The following PGBD5 variants were observed in gnomAD, a reference collection of about 807,000 sequenced individuals.
PGBD5 encodes the protein piggyBac transposable element derived 5, also known as piggyBac transposable element-derived protein 5.
A neutral mutation model predicts 47.9 loss-of-function variants in PGBD5; 14 were observed. The observed-to-expected ratio is 0.29, with a 90% confidence interval of 0.19 to 0.46. The LOEUF is 0.46. PGBD5 is among the 20% of genes least tolerant of loss of function. The probability of loss-of-function intolerance (pLI) is 1.00; values close to 1 mark genes in which losing one functional copy is unlikely to be tolerated. For missense variants in PGBD5, 635 were observed against 716.0 expected (o/e 0.89, Z 1.29); for synonymous variants, 316 against 306.3 (o/e 1.03, Z -0.33).
intron 1 of PGBD5, among the ~76,000 whole-genome samples, chr1:230,404,977 G>GTTT (rs201730767): frequency 7.7e-6 from 1 of 129,972 alleles, no homozygotes; most frequent in African/African-American, 2.8e-5. Context: ...CAGCTATCAA[G>GTTT]TTTTTTTTTT....
At chr1:230,335,808 GAC>G (rs141038472) in intron 4 of PGBD5, among the ~76,000 whole-genome samples, 441 of 6,660 alleles carry the variant, frequency 0.066, 104 homozygotes, top group East Asian at 0.15. Flanking sequence ...AAGACACACA[GAC>G]ACATACACTG....
chr1:230,404,938 A>T (rs1017760695), intron 1 of PGBD5, among the ~76,000 whole-genome samples: 6 of 150,596 alleles, frequency 4.0e-5, no homozygotes, highest in African/African-American at 1.5e-4. Flanking sequence ...AAAAAAAAAA[A>T]AAAAGGCTTC....
Position 230,411,348 on chromosome 1 carries a change from G to A in PGBD5, c.331+14250C>T, listed in dbSNP as rs575173017. Among the ~76,000 whole-genome samples the A allele has an allele frequency of 1.4e-3, 210 of 152,276 alleles. 1 individual carries two copies. The highest frequency in any genetic ancestry group is 2.4e-3 in the Non-Finnish European group (164 of 68,030). On this transcript the variant is annotated intron_variant, in intron 1 of 6. Transcript: ENST00000391860. The stretch of plus-strand genomic sequence containing the variant: ...AAAACAGACAAGATTATGATTGAGA[G>A]CAGGTATAAAAAAGCAAACGCAGTA...
At position 230,357,553 on chromosome 1, in the gene PGBD5, T is replaced by C. The variant is rs536229421; in HGVS notation, c.332-232A>G. Reference sequence around the variant, plus strand: ...CAAAACAGCCAGCTCTCCTGCTGTGTGTGTGGGAGCGCAGCTCCTCCCAGA... The same window carrying C: ...CAAAACAGCCAGCTCTCCTGCTGTGCGTGTGGGAGCGCAGCTCCTCCCAGA... On this transcript the variant is annotated intron_variant, in intron 1 of 6. Transcript: ENST00000391860. The surrounding 1 kb of genome is among the most constrained non-coding windows in gnomAD (Gnocchi z 5.7). 3.2e-4 allele frequency among the ~76,000 whole-genome samples: 48 copies of C among 152,336 alleles called. No homozygotes were observed. Among genetic ancestry groups the C allele is most frequent in the African/African-American group, 1.2e-3 (48 of 41,576 alleles).
chr1:230,337,192 G>A lies in PGBD5; in HGVS notation c.991C>T (p.Arg331Trp), dbSNP rs762626765. The change falls in exon 4 of 7, where the codon CGG (arginine) becomes TGG (tryptophan). Residue 331 changes from arginine (R) to tryptophan (W), a missense_variant. Physicochemically the swap from Arg to Trp is moderately radical, Grantham distance 101 (BLOSUM62 -3). Coordinates refer to ENST00000391860, the MANE Select transcript of PGBD5 (RefSeq NM_001258311.2). ...LHSMVARSLC[R>W]NAAGKNYIIF... ...ATGTAGTTCTTGCCTGCCGCGTTCC[G>A]GCACAGGCTCCTGGCCACCATGCTG... The A allele has an allele frequency of 2.5e-5, 41 of 1,614,096 alleles. No individual in the cohort carries two copies. The highest frequency in any genetic ancestry group is 6.7e-5 in the African/African-American group (5 of 74,938).
chr1:230,337,205 G>T lies in PGBD5; in HGVS notation c.978C>A (p.Ala326=). The change falls in exon 4 of 7, where the codon GCC becomes GCA. Residue 326 remains alanine, a synonymous_variant. Transcript: ENST00000391860. ...KNKPQLHSMV[A]RSLCRNAAGK... is the part of the protein sequence containing the mutation. Reference sequence around the variant, plus strand: ...CTGCCGCGTTCCGGCACAGGCTCCTGGCCACCATGCTGTGGAGCTGGGGCT... The same window carrying T: ...CTGCCGCGTTCCGGCACAGGCTCCTTGCCACCATGCTGTGGAGCTGGGGCT... 1 of 1,614,200 alleles carries T rather than the reference G, an allele frequency of 6.2e-7. No individual in the cohort carries two copies. Among genetic ancestry groups the T allele is most frequent in the South Asian group, 1.1e-5 (1 of 91,082 alleles).
chr1:230,401,123 C>T (rs967928854), intron 1 of PGBD5, among the ~76,000 whole-genome samples: 9 of 152,234 alleles, frequency 5.9e-5, no homozygotes, highest in African/African-American at 4.8e-5. Context: ...CACAGCCCTA[C>T]GCAGATGGTC....
intron 1 of PGBD5, among the ~76,000 whole-genome samples, chr1:230,409,170 A>G (rs768033116): frequency 6.6e-6 from 1 of 152,196 alleles, no homozygotes; most frequent in Non-Finnish European, 1.5e-5. Flanking sequence ...TCCACTTCAC[A>G]CCTACCAGGA....
chr1:230,352,909 T>C (rs1457213657), intron 2 of PGBD5, among the ~76,000 whole-genome samples: 4 of 152,154 alleles, frequency 2.6e-5, no homozygotes, highest in Non-Finnish European at 5.9e-5. Context: ...TCCTACTCTG[T>C]CCTCTGAGGC....
At chr1:230,397,694 C>T (rs1381631309) in intron 1 of PGBD5, among the ~76,000 whole-genome samples, 1 of 152,236 alleles carries the variant, frequency 6.6e-6, no homozygotes, top group African/African-American at 2.4e-5. Flanking sequence ...AAATCGTGGG[C>T]CTGTGACTTA....
At chr1:230,364,230 T>C (rs1255264455) in intron 1 of PGBD5, among the ~76,000 whole-genome samples, 1 of 152,248 alleles carries the variant, frequency 6.6e-6, no homozygotes, top group African/African-American at 2.4e-5. Context: ...CGGACACCAC[T>C]GGGTTTGGCA....
intron 1 of PGBD5, among the ~76,000 whole-genome samples, chr1:230,411,034 T>C (rs943165770): frequency 2.6e-5 from 4 of 151,940 alleles, no homozygotes; most frequent in Non-Finnish European, 4.4e-5. Context: ...CCCAGCACTT[T>C]GGGAGGCTGA....
chr1:230,380,680 C>T (rs1329446435), intron 1 of PGBD5, among the ~76,000 whole-genome samples: 1 of 152,222 alleles, frequency 6.6e-6, no homozygotes, highest in African/African-American at 2.4e-5. Context: ...TAAGCAAATG[C>T]ACACCTGGTG....
intron 5 of PGBD5, among the ~76,000 whole-genome samples, chr1:230,331,290 C>T (rs1342443549): frequency 6.6e-6 from 1 of 152,044 alleles, no homozygotes; most frequent in Non-Finnish European, 1.5e-5. Flanking sequence ...GCGGTATGCA[C>T]CTGTAGTCCA....
At chr1:230,330,912 T>C (rs1453394524) in intron 5 of PGBD5, among the ~76,000 whole-genome samples, 2 of 152,226 alleles carry the variant, frequency 1.3e-5, no homozygotes, top group Non-Finnish European at 2.9e-5. Context: ...CAATTGCCCA[T>C]CAATATCCTC....
chr1:230,394,607 G>A (rs1484131642), intron 1 of PGBD5, among the ~76,000 whole-genome samples: 14 of 119,010 alleles, frequency 1.2e-4, no homozygotes, highest in African/African-American at 4.6e-4. Flanking sequence ...CTCCATCCCC[G>A]AGCTCCTCTC....
At position 230,317,269 on chromosome 1, in the gene PGBD5, G is replaced by A. The variant is rs1272191035; in HGVS notation, c.*6156C>T. On this transcript the variant is annotated 3_prime_UTR_variant, in exon 7 of 7. Coordinates refer to ENST00000391860, the MANE Select transcript of PGBD5 (RefSeq NM_001258311.2). ...GGCCTGTAGCAGTTCAGAAGCAGCA[G>A]TGGCTGAGAACCAGGAAGCCCTGGA... 1 of 152,384 alleles carries A rather than the reference G, an allele frequency of 6.6e-6. No homozygotes were observed. Among genetic ancestry groups the A allele is most frequent in the Non-Finnish European group, 1.5e-5 (1 of 68,160 alleles). The allele number at this position is 152,384 out of a possible 1,614,324, so 9.4% of individuals were successfully genotyped here.
intron 5 of PGBD5, among the ~76,000 whole-genome samples, chr1:230,329,295 T>C (rs1028525875): frequency 1.3e-5 from 2 of 152,182 alleles, no homozygotes; most frequent in Admixed American, 1.3e-4. Context: ...CCTGTACATA[T>C]GCTCATACTC....
At position 230,354,460 on chromosome 1, in the gene PGBD5, G is replaced by C. The variant is rs372404663; in HGVS notation, c.759+2434C>G. Among the ~76,000 whole-genome samples, 11 of 152,340 alleles carry C rather than the reference G, an allele frequency of 7.2e-5. No individual in the cohort carries two copies. In the East Asian group the frequency reaches 7.7e-4, roughly 11 times the overall value. On this transcript the variant is annotated intron_variant, in intron 2 of 6. Transcript: ENST00000391860. ...TGGGAGTCATCAGCAAGAGGCCAGA[G>C]AGCAAGGGAGTCAGGGGAGGGACCT...
Sources: gnomAD v4.1 joint callset for allele counts (sites outside exome capture counted in the v4.1 genomes callset) on GRCh38, gnomAD v4.1.1 for gene constraint, Gnocchi (gnomAD v3.1) non-coding constraint, MANE v1.5 for transcripts, NCBI Gene and HGNC (gene_info 2026-07-23, HGNC 2026-07-21) for gene names.